The following NRG2 variants were observed in gnomAD, a reference collection of about 807,000 sequenced individuals.
The protein encoded by NRG2 is neuregulin 2.
A neutral mutation model predicts 73.9 loss-of-function variants in NRG2; 27 were observed. The observed-to-expected ratio is 0.37, with a 90% CI of 0.27 to 0.50. The LOEUF (loss-of-function observed/expected upper bound fraction) is 0.50. NRG2 is among the 20% of genes least tolerant of loss of function. NRG2 has a pLI of 0.96. For missense variants in NRG2, 1,126 were observed against 1,210.1 expected (o/e 0.93, Z 1.03); for synonymous variants, 532 against 541.0 (o/e 0.98, Z 0.23).
chr5:139,947,637 C>T (rs1245337140), intron 1 of NRG2, among the ~76,000 whole-genome samples: 1 of 152,164 alleles, frequency 6.6e-6, no homozygotes, highest in African/African-American at 2.4e-5. Flanking sequence ...TTTTCCAAAC[C>T]AACTGCATGC....
At chr5:139,924,694 G>C (rs1214190627) in intron 1 of NRG2, among the ~76,000 whole-genome samples, 4 of 151,888 alleles carry the variant, frequency 2.6e-5, no homozygotes, top group African/African-American at 7.3e-5. Context: ...GTCTTTTTTG[G>C]GGAGGCTCAG....
intron 1 of NRG2, among the ~76,000 whole-genome samples, chr5:139,935,681 T>C (rs1752794598): frequency 6.6e-6 from 1 of 152,002 alleles, no homozygotes; most frequent in Non-Finnish European, 1.5e-5. Flanking sequence ...AAATAAAGGC[T>C]GGGTGTGGTG....
chr5:139,896,140 G>T (rs1561663220), intron 1 of NRG2, among the ~76,000 whole-genome samples: 1 of 152,194 alleles, frequency 6.6e-6, no homozygotes, highest in South Asian at 2.1e-4. Context: ...CTCAAACTGG[G>T]ATACATGCAA....
chr5:139,987,771 TG>T (rs1411334333), intron 1 of NRG2, among the ~76,000 whole-genome samples: 16 of 149,674 alleles, frequency 1.1e-4, no homozygotes, highest in Admixed American at 4.0e-4. Context: ...TTCTGCAGGT[TG>T]TTTTTTTTTT....
At chr5:139,930,547 C>G (rs1752400741) in intron 1 of NRG2, among the ~76,000 whole-genome samples, 1 of 152,196 alleles carries the variant, frequency 6.6e-6, no homozygotes, top group Non-Finnish European at 1.5e-5. Flanking sequence ...TGTGTTTCCT[C>G]TGCTGGTAGG....
intron 1 of NRG2, among the ~76,000 whole-genome samples, chr5:139,987,651 C>T (rs531110224): frequency 6.6e-6 from 1 of 152,246 alleles, no homozygotes; most frequent in South Asian, 2.1e-4. Flanking sequence ...GATGTTGCCT[C>T]ATACCAGTGG....
intron 1 of NRG2, among the ~76,000 whole-genome samples, chr5:140,014,037 C>T (rs942039195): frequency 6.6e-6 from 1 of 152,108 alleles, no homozygotes; most frequent in Non-Finnish European, 1.5e-5. Context: ...ATCTCAACTA[C>T]TTTCATAGCT....
chr5:139,880,932 G>A lies in NRG2; in HGVS notation c.915C>T (p.Asp305=), dbSNP rs1349790495. ...CGGCCTCGCAGACATACTCCCCAGCGTCCTCCACCTTCACCTTGTTGAACT... is the reference window on the plus strand; with the variant it reads ...CGGCCTCGCAGACATACTCCCCAGCATCCTCCACCTTCACCTTGTTGAACT... ...RLQFNKVKVE[D]AGEYVCEAEN... is the part of the protein sequence containing the mutation. Residue 305 remains aspartate (D), a synonymous_variant, in exon 3 of 10, where the codon GAC becomes GAT. Coordinates refer to ENST00000361474, the MANE Select transcript of NRG2 (RefSeq NM_004883.3). The A allele has an allele frequency of 1.9e-5, 30 of 1,614,024 alleles. No homozygotes were observed. The highest frequency in any genetic ancestry group is 2.3e-5 in the Non-Finnish European group (27 of 1,180,002).
At chr5:140,002,873 C>G (rs988593199) in intron 1 of NRG2, among the ~76,000 whole-genome samples, 2 of 152,152 alleles carry the variant, frequency 1.3e-5, no homozygotes, top group Non-Finnish European at 1.5e-5. Context: ...GTGATGAGAA[C>G]TAGTTGGATT....
At chr5:139,947,415 T>C (rs557690335) in intron 1 of NRG2, among the ~76,000 whole-genome samples, 1 of 152,272 alleles carries the variant, frequency 6.6e-6, no homozygotes, top group South Asian at 2.1e-4. Flanking sequence ...TCAGTACTTT[T>C]TTCCTTTCTG....
intron 1 of NRG2, among the ~76,000 whole-genome samples, chr5:139,912,137 G>T (rs535081537): frequency 9.2e-5 from 14 of 152,262 alleles, no homozygotes; most frequent in African/African-American, 2.6e-4. Flanking sequence ...GGCTGCAGGG[G>T]TCAGCATCCA....
At chr5:139,859,968 G>A in intron 5 of NRG2, 3 of 1,562,326 alleles carry the variant, frequency 1.9e-6, no homozygotes, top group Non-Finnish European at 2.6e-6. Flanking sequence ...AGAGAGACAG[G>A]TGGGTGGGGA....
At chr5:140,026,858 T>C (rs116775424) in intron 1 of NRG2, among the ~76,000 whole-genome samples, 2,128 of 152,288 alleles carry the variant, frequency 0.014, 47 homozygotes, top group African/African-American at 0.049. Context: ...TAACAGGGTA[T>C]GGCAAGAAGA....
intron 1 of NRG2, among the ~76,000 whole-genome samples, chr5:139,921,503 T>C (rs1190773085): frequency 1.3e-5 from 2 of 151,870 alleles, no homozygotes; most frequent in African/African-American, 4.8e-5. Flanking sequence ...GCAAAGATAA[T>C]CTTTACACCC....
At chr5:139,978,978 C>T (rs1028372688) in intron 1 of NRG2, among the ~76,000 whole-genome samples, 1 of 150,394 alleles carries the variant, frequency 6.6e-6, no homozygotes, top group African/African-American at 2.5e-5. Context: ...AGCAAACTAT[C>T]ACAAGGACAA....
At chr5:140,025,792 A>G (rs967445328) in intron 1 of NRG2, among the ~76,000 whole-genome samples, 8 of 152,248 alleles carry the variant, frequency 5.3e-5, no homozygotes, top group African/African-American at 1.9e-4. Context: ...GTTAACTTAC[A>G]TAAGGCACAA....
At chr5:140,032,292 A>G (rs1419165816) in intron 1 of NRG2, among the ~76,000 whole-genome samples, 1 of 152,220 alleles carries the variant, frequency 6.6e-6, no homozygotes, top group African/African-American at 2.4e-5. Context: ...TAACCAAAAC[A>G]CAGAAAAAGA....
chr5:140,023,410 C>A (rs1760396450), intron 1 of NRG2, among the ~76,000 whole-genome samples: 1 of 152,186 alleles, frequency 6.6e-6, no homozygotes, highest in South Asian at 2.1e-4. Context: ...TCAAGGCTAA[C>A]CTCCAGTCCT....
At position 140,042,970 on chromosome 5, in the gene NRG2, TG is replaced by T; in HGVS notation, c.99del (p.Ser33ArgfsTer61). ...SDSSSSSSER[S>X]SSSSSSSSES... ...TCGCTGCTGCTGCTGCTGCTGCTGCTGCTCCTCTCGCTGCTGCTGCTGCTGC... is the reference window on the plus strand; with the variant it reads ...TCGCTGCTGCTGCTGCTGCTGCTGCTCTCCTCTCGCTGCTGCTGCTGCTGC... On this transcript the variant is annotated frameshift_variant, in exon 1 of 10. Coordinates refer to ENST00000361474, the MANE Select transcript of NRG2 (RefSeq NM_004883.3). LOFTEE classifies it high-confidence loss of function. The T allele has an allele frequency of 6.5e-7, 1 of 1,544,710 alleles. No homozygotes were observed.
Sources: allele counts gnomAD v4.1 joint callset (sites outside exome capture counted in the v4.1 genomes callset), GRCh38; gene constraint gnomAD v4.1.1; transcripts MANE v1.5; gene names NCBI Gene and HGNC (gene_info 2026-07-23, HGNC 2026-07-21).